Variants in ABCG1 observed in about 807,000 individuals in gnomAD.
ABCG1 encodes the protein ATP binding cassette subfamily G member 1.
Under a neutral mutation model 69.2 loss-of-function variants are expected in ABCG1, and 29 were observed. The observed-to-expected ratio is 0.42, with a 90% CI of 0.31 to 0.57. The LOEUF is 0.57. Ranked by LOEUF, ABCG1 falls within the 20% of genes least tolerant of loss-of-function variation. ABCG1 has a pLI of 0.15. For missense variants in ABCG1, 718 were observed against 898.1 expected (o/e 0.80, Z 2.56); for synonymous variants, 370 against 374.8 (o/e 0.99, Z 0.15).
intron 2 of ABCG1, among the ~76,000 whole-genome samples, chr21:42,240,534 T>C (rs981307686): frequency 2.0e-5 from 3 of 152,254 alleles, no homozygotes; most frequent in African/African-American, 7.2e-5. Flanking sequence ...CACTGCAACC[T>C]CCGCCTCACA....
chr21:42,249,866 A>C (rs2068190916), intron 2 of ABCG1, among the ~76,000 whole-genome samples: 1 of 151,942 alleles, frequency 6.6e-6, no homozygotes, highest in Non-Finnish European at 1.5e-5. Context: ...TTAGCCAGGC[A>C]TGGTGGTGCA....
intron 1 of ABCG1, 97 bp from the exon 2 acceptor site, chr21:42,225,574 A>G (rs2067802061): frequency 2.0e-6 from 3 of 1,468,486 alleles, no homozygotes; most frequent in Non-Finnish European, 2.8e-6. Context: ...TGTTGCTATT[A>G]ATAACCAATG....
chr21:42,279,591 C>T (rs117917568), intron 5 of ABCG1, among the ~76,000 whole-genome samples: 2,482 of 152,316 alleles, frequency 0.016, 28 homozygotes, highest in Non-Finnish European at 0.025. Context: ...TGGATGGTTT[C>T]TTTAAGGTCT....
chr21:42,268,362 G>GGGGTGTGTGTGT (rs375702317), intron 2 of ABCG1, among the ~76,000 whole-genome samples: 2 of 147,604 alleles, frequency 1.4e-5, no homozygotes, highest in Admixed American at 6.7e-5. Flanking sequence ...TAGAGGTAGG[G>GGGGTGTGTGTGT]GTGTGTGTGT....
rs1243305310 is a variant in ABCG1 at position 42,231,916 on chromosome 21, G to A, written c.286+6002G>A. ...CAGCTGACCCCTGGTGCAGTGTCGT[G>A]GCCCCAGGCCACTTGCAGGGATGGC... is the stretch of plus-strand genomic sequence containing the variant. On this transcript the variant is annotated intron_variant, in intron 2 of 14. Transcript: ENST00000398449. Among the ~76,000 whole-genome samples the A allele has an allele frequency of 3.3e-5, 5 of 152,342 alleles. No individual in the cohort carries two copies. In the South Asian group the frequency reaches 1.0e-3, roughly 32 times the overall value.
chr21:42,260,318 C>A (rs1459164837), intron 2 of ABCG1, among the ~76,000 whole-genome samples: 2 of 152,162 alleles, frequency 1.3e-5, no homozygotes, highest in Non-Finnish European at 2.9e-5. Flanking sequence ...CTCGAGGGGG[C>A]CTGAGATGCT....
chr21:42,276,630 A>T lies in ABCG1; in HGVS notation c.538-265A>T. On this transcript the variant is annotated intron_variant, in intron 4 of 14. Coordinates refer to ENST00000398449, the MANE Select transcript of ABCG1 (RefSeq NM_016818.3). The surrounding 1 kb of genome is among the most constrained non-coding windows in gnomAD (Gnocchi z 5.3). ...GGCTAGTGGCACCGTGGCTAGCTGC[A>T]TGGTGGCTAGTTGCACCGTGGCTAG... 1 of 448,606 alleles carries T rather than the reference A, an allele frequency of 2.2e-6. No homozygotes were observed. Among genetic ancestry groups the T allele is most frequent in the Non-Finnish European group, 4.0e-6 (1 of 250,042 alleles). 27.8% of individuals were successfully genotyped at this position (448,606 alleles called of 1,614,324 possible).
intron 11 of ABCG1, among the ~76,000 whole-genome samples, chr21:42,290,868 A>G (rs2069043829): frequency 6.6e-6 from 1 of 152,190 alleles, no homozygotes; most frequent in Non-Finnish European, 1.5e-5. Context: ...TTGTATTCAC[A>G]GACATGCTCC....
At chr21:42,270,539 T>C (rs2068597335) in intron 2 of ABCG1, among the ~76,000 whole-genome samples, 1 of 152,088 alleles carries the variant, frequency 6.6e-6, no homozygotes, top group African/African-American at 2.4e-5. Flanking sequence ...ATATGTTGAT[T>C]ATTTATAAAT....
At chr21:42,289,238 G>A (rs187765194) in intron 10 of ABCG1, among the ~76,000 whole-genome samples, 1 of 152,276 alleles carries the variant, frequency 6.6e-6, no homozygotes. Flanking sequence ...GGCAACGGTG[G>A]GTTGTATCAT....
chr21:42,211,937 G>T (rs368081385), upstream of ABCG1, among the ~76,000 whole-genome samples: 6 of 152,006 alleles, frequency 3.9e-5, 1 homozygote, highest in East Asian at 9.6e-4. Flanking sequence ...AACAAAAAAA[G>T]AGATGCGGTC....
chr21:42,268,387 G>A (rs2068553845), intron 2 of ABCG1, among the ~76,000 whole-genome samples: 1 of 131,326 alleles, frequency 7.6e-6, no homozygotes. Context: ...GTGTGTGTGT[G>A]TGCGCGCGCG....
At position 42,253,204 on chromosome 21, in the gene ABCG1, G is replaced by A. The variant is rs542069967; in HGVS notation, c.287-17866G>A. Among the ~76,000 whole-genome samples the A allele has an allele frequency of 7.2e-5, 11 of 152,260 alleles. No individual in the cohort carries two copies. In the East Asian group the frequency reaches 1.4e-3, roughly 19 times the overall value. On this transcript the variant is annotated intron_variant, in intron 2 of 14. Coordinates refer to ENST00000398449, the MANE Select transcript of ABCG1 (RefSeq NM_016818.3). ...GAGGATCCTTTCAGCTGGAGATGCCGGAAGTTGGCAGAGCTGGGGTAAAGG... is the reference window on the plus strand; with the variant it reads ...GAGGATCCTTTCAGCTGGAGATGCCAGAAGTTGGCAGAGCTGGGGTAAAGG...
chr21:42,286,034 AT>A (rs754661480), intron 8 of ABCG1, 40 bp downstream of exon 8: 1 of 1,409,088 alleles, frequency 7.1e-7, no homozygotes, highest in Non-Finnish European at 1.0e-6. Flanking sequence ...CAGAAAGGGG[AT>A]TTTCCTCCTC....
chr21:42,235,656 A>C (rs991203320), intron 2 of ABCG1, among the ~76,000 whole-genome samples: 2 of 152,196 alleles, frequency 1.3e-5, no homozygotes, highest in African/African-American at 4.8e-5. Context: ...GTTATTATCG[A>C]TAGAAAGGGA....
intron 6 of ABCG1, among the ~76,000 whole-genome samples, chr21:42,283,818 C>T (rs691545): frequency 5.5e-4 from 44 of 79,400 alleles, no homozygotes; most frequent in Admixed American, 9.8e-4. Context: ...ACCTCTGTCC[C>T]GCCTGGACAG....
chr21:42,261,816 G>C lies in ABCG1; in HGVS notation c.287-9254G>C, dbSNP rs185778728. On this transcript the variant is annotated intron_variant, in intron 2 of 14. Transcript: ENST00000398449. ...GCGTACTTAACTCACGGAGAGGTCA[G>C]AACGCTGAGCTATCAGAGTAACATT... Among the ~76,000 whole-genome samples the C allele has an allele frequency of 2.5e-3, 382 of 152,338 alleles. 2 individuals are homozygous for C. Among genetic ancestry groups the C allele is most frequent in the African/African-American group, 8.9e-3 (369 of 41,564 alleles).
upstream of ABCG1, chr21:42,219,124 G>A (rs1016308496): frequency 1.4e-5 from 11 of 805,860 alleles, no homozygotes; most frequent in Non-Finnish European, 1.8e-5. This position sits in a 1 kb window ranked among gnomAD's most constrained non-coding sequence, Gnocchi z 5.3. Context: ...ACCAGAGCCG[G>A]AGCCGGATCC....
chr21:42,230,545 A>G (rs2067885789), intron 2 of ABCG1, among the ~76,000 whole-genome samples: 1 of 152,230 alleles, frequency 6.6e-6, no homozygotes, highest in African/African-American at 2.4e-5. Flanking sequence ...CAGAGTAGAC[A>G]CTATGTTGAG....
Sources: gnomAD v4.1 joint callset for allele counts (sites outside exome capture counted in the v4.1 genomes callset) on GRCh38, gnomAD v4.1.1 for gene constraint, Gnocchi (gnomAD v3.1) non-coding constraint, MANE v1.5 for transcripts, NCBI Gene and HGNC (gene_info 2026-07-23, HGNC 2026-07-21) for gene names.